The following SAR1B variants were observed in gnomAD, a reference collection of about 807,000 sequenced individuals.
SAR1B encodes the protein small COPII coat GTPase SAR1B.
A neutral mutation model predicts 26.8 loss-of-function variants in SAR1B; 23 were observed. That is an observed-to-expected ratio of 0.86 (90% confidence interval 0.62 to 1.22). The LOEUF is 1.22. Ranked by LOEUF, SAR1B falls within the 50% of genes most tolerant of loss-of-function variation. SAR1B has a pLI of 0.00. For synonymous variants in SAR1B, 65 were observed against 80.8 expected (o/e 0.80, Z 1.05); for missense variants, 196 against 232.8 (o/e 0.84, Z 1.03).
Position 134,612,684 on chromosome 5 carries a change from A to AAAAAAAAAAAAAAAATAAAAT in SAR1B, c.244+6_244+7insATTTTATTTTTTTTTTTTTTT. ...AAAAAAAAAAAAAAAAAAAAAAAGA[A>AAAAAAAAAAAAAAAATAAAAT]TCTTACCTTGAACATGTCCACCCAG... On this transcript the variant is annotated splice_region_variant and intron_variant, in intron 4 of 6. Coordinates refer to ENST00000402673, the MANE Select transcript of SAR1B (RefSeq NM_016103.4). The AAAAAAAAAAAAAAAATAAAAT allele has an allele frequency of 9.8e-7, 1 of 1,017,754 alleles. No homozygotes were observed. Among genetic ancestry groups the AAAAAAAAAAAAAAAATAAAAT allele is most frequent in the Non-Finnish European group, 1.4e-6 (1 of 711,310 alleles). 63.0% of individuals were successfully genotyped at this position (1,017,754 alleles called of 1,614,324 possible).
In SAR1B at chr5:134,603,044, T is replaced by G. The variant is rs549944741; in HGVS notation, c.*3906A>C. The G allele has an allele frequency of 1.2e-4, 19 of 152,242 alleles. No homozygotes were observed. The highest frequency in any genetic ancestry group is 2.2e-4 in the Non-Finnish European group (15 of 68,050). 9.4% of individuals were successfully genotyped at this position (152,242 alleles called of 1,614,324 possible). ...AATTTTGCATTAAGAAACTTATGTT[T>G]GCTAATTTCTATTTTTTCATTGTTT... On this transcript the variant is annotated 3_prime_UTR_variant, in exon 7 of 7. Coordinates refer to ENST00000402673, the MANE Select transcript of SAR1B (RefSeq NM_016103.4).
At chr5:134,625,286 A>C (rs995636680) in intron 1 of SAR1B, among the ~76,000 whole-genome samples, 2 of 152,202 alleles carry the variant, frequency 1.3e-5, no homozygotes, top group African/African-American at 4.8e-5. Context: ...AGCAGTGCCA[A>C]TCTGTGCTGA....
intron 3 of SAR1B, chr5:134,618,330 AG>A (rs1457398695): frequency 2.6e-5 from 4 of 152,304 alleles, no homozygotes; most frequent in Middle Eastern, 6.8e-3. Flanking sequence ...AAAAATAAAA[AG>A]AAAAAAAAGA....
Position 134,601,794 on chromosome 5 carries a change from C to G in SAR1B, c.*5156G>C, listed in dbSNP as rs1765038299. ...GGGCGCAGTGGTTCACGCCTATAAT[C>G]TAGCACTTTGGGAGGCTGAGGCAGG... is the stretch of plus-strand genomic sequence containing the variant. On this transcript the variant is annotated 3_prime_UTR_variant, in exon 7 of 7. Transcript: ENST00000402673. 6.6e-6 allele frequency: 1 copy of G among 152,280 alleles called. No homozygotes were observed. The highest frequency in any genetic ancestry group is 2.1e-4 in the South Asian group (1 of 4,834). 9.4% of individuals were successfully genotyped at this position (152,280 alleles called of 1,614,324 possible).
chr5:134,607,578 G>A (rs1421544002), intron 6 of SAR1B, among the ~76,000 whole-genome samples: 1 of 152,048 alleles, frequency 6.6e-6, no homozygotes, highest in East Asian at 1.9e-4. Flanking sequence ...TTCGAGACCA[G>A]ACTGACCAAC....
chr5:134,618,906 G>A (rs1765356403), intron 3 of SAR1B, among the ~76,000 whole-genome samples: 1 of 152,150 alleles, frequency 6.6e-6, no homozygotes, highest in East Asian at 1.9e-4. Flanking sequence ...GCTGAGGCAG[G>A]AGAATTGCTT....
In SAR1B at chr5:134,601,261, G is replaced by T. The variant is rs1316870452; in HGVS notation, c.*5689C>A. On this transcript the variant is annotated 3_prime_UTR_variant, in exon 7 of 7. Coordinates refer to ENST00000402673, the MANE Select transcript of SAR1B (RefSeq NM_016103.4). ...TAACATATAAACACAATTCAAAAAC[G>T]TTTAACCATCTATTATAGCTCTTTG... is the stretch of plus-strand genomic sequence containing the variant. 1 of 151,992 alleles carries T rather than the reference G, an allele frequency of 6.6e-6. No individual in the cohort carries two copies. The highest frequency in any genetic ancestry group is 2.4e-5 in the African/African-American group (1 of 41,394). The allele number at this position is 151,992 out of a possible 1,614,324, so 9.4% of individuals were successfully genotyped here.
In SAR1B at chr5:134,620,933, T is replaced by C. The variant is rs780525862; in HGVS notation, c.178A>G (p.Thr60Ala). 2.5e-6 allele frequency: 4 copies of C among 1,613,912 alleles called. No individual in the cohort carries two copies. The Admixed American group carries it at 6.7e-5, about 27-fold the overall frequency. ...ACATTGTATGTAGGAATATACTTAC[T>C]GGGATGTAATGTTGGGACATGTTGT... is the stretch of plus-strand genomic sequence containing the variant. Reference protein sequence around the residue: ...LGQHVPTLHPTSEELTIAGMT... With the variant: ...LGQHVPTLHPASEELTIAGMT... Residue 60 changes from threonine to alanine, a missense_variant and splice_region_variant, in exon 3 of 7, where the codon ACT (threonine) becomes GCT (alanine). Thr to Ala is a moderately conservative substitution (Grantham distance 58). Transcript: ENST00000402673.
At chr5:134,617,081 A>T (rs1337834939) in intron 3 of SAR1B, among the ~76,000 whole-genome samples, 4 of 152,114 alleles carry the variant, frequency 2.6e-5, no homozygotes. Flanking sequence ...TAAATTAAAA[A>T]ATTAGCCAGA....
At chr5:134,609,786 T>G (rs1027204915) in intron 4 of SAR1B, 112 bp from the exon 5 acceptor site, 2 of 780,042 alleles carry the variant, frequency 2.6e-6, no homozygotes, top group African/African-American at 3.4e-5. Context: ...CTGCTGGTAC[T>G]TCACAATATA....
chr5:134,631,357 GAC>G (rs1765602073), intron 1 of SAR1B, among the ~76,000 whole-genome samples: 1 of 152,122 alleles, frequency 6.6e-6, no homozygotes, highest in Admixed American at 6.6e-5. Flanking sequence ...TTTGGTGACA[GAC>G]ACAAGTCTAC....
intron 3 of SAR1B, among the ~76,000 whole-genome samples, chr5:134,615,213 C>T (rs951745610): frequency 6.6e-6 from 1 of 151,350 alleles, no homozygotes; most frequent in East Asian, 2.0e-4. Flanking sequence ...CTGGGTGCAG[C>T]GGCAGGTGCC....
intron 6 of SAR1B, among the ~76,000 whole-genome samples, 191 bp from the exon 7 acceptor site, chr5:134,607,257 G>C (rs1272503470): frequency 6.6e-6 from 1 of 152,036 alleles, no homozygotes; most frequent in African/African-American, 2.4e-5. Context: ...CTCTACCTTA[G>C]GGCAGGATGG....
Position 134,623,984 on chromosome 5 carries a change from G to T in SAR1B, c.36C>A (p.Phe12Leu), listed in dbSNP as rs761708416. 6.2e-7 allele frequency: 1 copy of T among 1,611,138 alleles called. No individual in the cohort carries two copies. Among genetic ancestry groups the T allele is most frequent in the Non-Finnish European group, 8.5e-7 (1 of 1,177,372 alleles). The stretch of plus-strand genomic sequence containing the variant: ...TACCTAAAAACTGTAGCACACTGCT[G>T]AAACCACTGTAAATCCAATCAAATA... Reference protein sequence around the residue: ...SFIFDWIYSGFSSVLQFLGLY... With the variant: ...SFIFDWIYSGLSSVLQFLGLY... Residue 12 changes from phenylalanine to leucine, a missense_variant, in exon 2 of 7, where the codon TTC (phenylalanine) becomes TTA (leucine). By Grantham distance (22) the Phe-to-Leu change is conservative (BLOSUM62 0). Coordinates refer to ENST00000402673, the MANE Select transcript of SAR1B (RefSeq NM_016103.4).
chr5:134,612,674 A>AAAAAAAAAAAAAAAAT lies in SAR1B; in HGVS notation c.244+16_244+17insATTTTTTTTTTTTTTT. The AAAAAAAAAAAAAAAAT allele has an allele frequency of 9.0e-7, 1 of 1,106,360 alleles. No homozygotes were observed. The highest frequency in any genetic ancestry group is 1.2e-6 in the Non-Finnish European group (1 of 806,136). The allele number at this position is 1,106,360 out of a possible 1,614,324, so 68.5% of individuals were successfully genotyped here. A position where few individuals can be genotyped will look rare whatever the true frequency, so the allele number is the denominator to read the frequency against. On this transcript the variant is annotated intron_variant, in intron 4 of 6. Coordinates refer to ENST00000402673, the MANE Select transcript of SAR1B (RefSeq NM_016103.4). ...AAAAAAAAAAAAAAAAAAAAAAAAA[A>AAAAAAAAAAAAAAAAT]AAAAAAAGAATCTTACCTTGAACAT...
At chr5:134,610,373 C>T (rs980168520) in intron 4 of SAR1B, among the ~76,000 whole-genome samples, 2 of 152,002 alleles carry the variant, frequency 1.3e-5, no homozygotes, top group Non-Finnish European at 2.9e-5. Context: ...CTTTGGGAGG[C>T]TGAGGCAGGT....
rs1328180359 is a variant in SAR1B, at chr5:134,604,878, A to C, written c.*2072T>G. 6.6e-6 allele frequency: 1 copy of C among 152,228 alleles called. No homozygotes were observed. 9.4% of individuals were successfully genotyped at this position (152,228 alleles called of 1,614,324 possible). On this transcript the variant is annotated 3_prime_UTR_variant, in exon 7 of 7. Coordinates refer to ENST00000402673, the MANE Select transcript of SAR1B (RefSeq NM_016103.4). ...TGAAGGTACAGATAACATGAACAAG[A>C]GGCAGTTATTTTTAATAAGGCTTAG...
At chr5:134,630,106 AT>A (rs1765573693) in intron 1 of SAR1B, among the ~76,000 whole-genome samples, 1 of 151,260 alleles carries the variant, frequency 6.6e-6, no homozygotes, top group Non-Finnish European at 1.5e-5. Context: ...TGGGATGAGT[AT>A]TTAAAGTGAG....
chr5:134,627,525 G>T (rs1765513787), intron 1 of SAR1B, among the ~76,000 whole-genome samples: 1 of 151,280 alleles, frequency 6.6e-6, no homozygotes, highest in Non-Finnish European at 1.5e-5. Context: ...CCGGCCGGGC[G>T]TGGTGGCTCA....
Sources: allele counts gnomAD v4.1 joint callset (sites outside exome capture counted in the v4.1 genomes callset), GRCh38; gene constraint gnomAD v4.1.1; transcripts MANE v1.5; gene names NCBI Gene and HGNC (gene_info 2026-07-23, HGNC 2026-07-21).